TAF1B: variants seen among roughly 807,000 people sequenced by gnomAD.
The protein encoded by TAF1B is TATA-box binding protein associated factor, RNA polymerase I subunit B.
A neutral mutation model predicts 83.9 loss-of-function variants in TAF1B; 61 were observed. That is an observed-to-expected ratio of 0.73 (90% CI 0.59 to 0.90). TAF1B has a LOEUF of 0.90. Ranked by LOEUF, TAF1B falls within the 40% of genes least tolerant of loss-of-function variation. The pLI, the probability that TAF1B is intolerant of heterozygous loss-of-function variation, is 0.00. For synonymous variants in TAF1B, 221 were observed against 224.6 expected, an observed-to-expected ratio of 0.98 and a Z score of 0.14; for missense variants, 625 against 677.0, an observed-to-expected ratio of 0.92 and a Z score of 0.85.
intron 2 of TAF1B, among the ~76,000 whole-genome samples, chr2:9,848,296 T>A (rs2125133701): frequency 6.6e-6 from 1 of 152,344 alleles, no homozygotes; most frequent in South Asian, 2.1e-4. Flanking sequence ...ATAAATTTCA[T>A]TCCAAATCTC....
chr2:9,893,086 G>A (rs368706245), intron 8 of TAF1B, among the ~76,000 whole-genome samples: 4 of 152,012 alleles, frequency 2.6e-5, no homozygotes, highest in African/African-American at 7.3e-5. Context: ...ATCTTGGAGA[G>A]CACTTAAAAA....
At position 9,868,423 on chromosome 2, in the gene TAF1B, C is replaced by A; in HGVS notation, c.547C>A (p.Gln183Lys). 10 of 1,610,240 alleles carry A rather than the reference C, an allele frequency of 6.2e-6. No individual in the cohort carries two copies. The highest frequency in any genetic ancestry group is 8.5e-6 in the Non-Finnish European group (10 of 1,178,146). Residue 183 changes from glutamine to lysine, a missense_variant, in exon 6 of 15, where the codon CAA (glutamine) becomes AAA (lysine). Coordinates refer to ENST00000263663, the MANE Select transcript of TAF1B (RefSeq NM_005680.3). ...RKPFPVSKAS[Q>K]SETSVCSGSL... ...ACCTTTCCCCGTCAGCAAAGCATCACAATCAGGTAAAAATGAGAACCAAAC... is the reference window on the plus strand; with the variant it reads ...ACCTTTCCCCGTCAGCAAAGCATCAAAATCAGGTAAAAATGAGAACCAAAC...
intron 8 of TAF1B, among the ~76,000 whole-genome samples, chr2:9,893,005 AT>A (rs751361075): frequency 1.2e-4 from 18 of 152,240 alleles, no homozygotes; most frequent in Non-Finnish European, 2.1e-4. Flanking sequence ...TTGGTGGAAG[AT>A]ATAAGCATAG....
intron 6 of TAF1B, among the ~76,000 whole-genome samples, chr2:9,869,940 A>T (rs1306685165): frequency 6.6e-6 from 1 of 152,166 alleles, no homozygotes; most frequent in Non-Finnish European, 1.5e-5. Flanking sequence ...TCACGAAGAA[A>T]ATAAAATCAC....
chr2:9,895,108 G>A (rs1558254768), intron 8 of TAF1B, among the ~76,000 whole-genome samples: 1 of 152,134 alleles, frequency 6.6e-6, no homozygotes, highest in African/African-American at 2.4e-5. Flanking sequence ...TTGACAACGC[G>A]TTTCTAAAAA....
chr2:9,928,458 C>G (rs903042936), intron 14 of TAF1B, among the ~76,000 whole-genome samples: 1 of 152,136 alleles, frequency 6.6e-6, no homozygotes, highest in African/African-American at 2.4e-5. Flanking sequence ...GCAGCATGGC[C>G]ATTTTCACGA....
intron 11 of TAF1B, among the ~76,000 whole-genome samples, chr2:9,912,335 A>G (rs1665558066): frequency 6.7e-6 from 1 of 149,460 alleles, no homozygotes; most frequent in Admixed American, 6.7e-5. Flanking sequence ...AGTGTGGTGA[A>G]TATGTGGATT....
rs761123060 is a variant in TAF1B at position 9,913,230 on chromosome 2, TG to T, written c.1255del (p.Glu419LysfsTer24). On this transcript the variant is annotated frameshift_variant, in exon 12 of 15. Transcript: ENST00000263663. LOFTEE classifies it high-confidence loss of function. ...KKAFDEKKQK[W>X]EEARAKYLWK... Reference sequence around the variant, plus strand: ...AGCTTTTGATGAGAAAAAACAAAAATGGGAAGAAGCAAGGGCCAAGTATGTT... The same window carrying T: ...AGCTTTTGATGAGAAAAAACAAAAATGGAAGAAGCAAGGGCCAAGTATGTT... 6.2e-7 allele frequency: 1 copy of T among 1,613,506 alleles called. No individual in the cohort carries two copies. Among genetic ancestry groups the T allele is most frequent in the African/African-American group, 1.3e-5 (1 of 75,028 alleles).
At chr2:9,933,665 C>T in intron 14 of TAF1B, 118 bp from the exon 15 acceptor site, 1 of 791,916 alleles carries the variant, frequency 1.3e-6, no homozygotes, top group East Asian at 2.7e-5. Context: ...GCTCAGGGTC[C>T]TGTTTTAAGC....
chr2:9,931,823 G>T (rs969589262), intron 14 of TAF1B, among the ~76,000 whole-genome samples: 1 of 152,132 alleles, frequency 6.6e-6, no homozygotes, highest in Admixed American at 6.5e-5. Context: ...TGTAGATTTG[G>T]TCTTTTCACA....
intron 14 of TAF1B, among the ~76,000 whole-genome samples, chr2:9,922,187 G>A (rs546024544): frequency 7.2e-5 from 11 of 152,344 alleles, no homozygotes; most frequent in African/African-American, 2.4e-4. Context: ...CTTCTCTACA[G>A]CTGTGCTGAC....
chr2:9,890,144 T>A (rs1042282139), intron 8 of TAF1B, among the ~76,000 whole-genome samples: 1 of 152,214 alleles, frequency 6.6e-6, no homozygotes, highest in Non-Finnish European at 1.5e-5. Context: ...GAGCTCTGTT[T>A]CACTTCCCAC....
intron 3 of TAF1B, among the ~76,000 whole-genome samples, chr2:9,849,759 C>A (rs1369431884): frequency 6.6e-6 from 1 of 152,004 alleles, no homozygotes; most frequent in African/African-American, 2.4e-5. Context: ...TTGAACACAC[C>A]TTTTTAAAAT....
rs200099314 is a variant in TAF1B at position 9,885,753 on chromosome 2, A to C, written c.807+2948A>C. Among the ~76,000 whole-genome samples the C allele has an allele frequency of 7.0e-3, 737 of 105,928 alleles. 4 individuals are homozygous for C. Among genetic ancestry groups the C allele is most frequent in the African/African-American group, 0.023 (611 of 26,626 alleles). 69.5% of individuals were successfully genotyped at this position (105,928 alleles called of 152,430 possible). A position where few individuals can be genotyped will look rare whatever the true frequency, so the allele number is the denominator to read the frequency against. ...CTTCTTTCTCCCCACGCCCCCCCCC[A>C]CTTTGTCCTTCTCTCCCTTAATCTC... On this transcript the variant is annotated intron_variant, in intron 8 of 14. Coordinates refer to ENST00000263663, the MANE Select transcript of TAF1B (RefSeq NM_005680.3).
chr2:9,882,939 C>T (rs373777960), intron 8 of TAF1B, 134 bp downstream of exon 8: 22 of 568,080 alleles, frequency 3.9e-5, no homozygotes, highest in African/African-American at 1.9e-4. Flanking sequence ...CATAATTTAA[C>T]GAAGAGTAGA....
intron 14 of TAF1B, among the ~76,000 whole-genome samples, chr2:9,931,259 GC>G (rs1245874679): frequency 4.6e-5 from 7 of 152,176 alleles, no homozygotes; most frequent in Non-Finnish European, 1.0e-4. Context: ...TTTCTTCCTA[GC>G]CTTGATGGTC....
chr2:9,858,825 G>A (rs114626315), intron 5 of TAF1B, among the ~76,000 whole-genome samples: 6,692 of 152,262 alleles, frequency 0.044, 194 homozygotes, highest in Non-Finnish European at 0.066. Context: ...ATATCCTGAG[G>A]CTGCACAAAG....
intron 5 of TAF1B, among the ~76,000 whole-genome samples, chr2:9,861,468 C>T (rs1663756540): frequency 6.6e-6 from 1 of 152,254 alleles, no homozygotes; most frequent in Admixed American, 6.5e-5. Flanking sequence ...CTGGGTGGAA[C>T]CCACCACAGC....
At chr2:9,906,039 G>A (rs938701058) in intron 9 of TAF1B, among the ~76,000 whole-genome samples, 1 of 104,364 alleles carries the variant, frequency 9.6e-6, no homozygotes, top group Non-Finnish European at 2.7e-5. Flanking sequence ...TTACTATTTT[G>A]GATTTTTTTT....
Sources: gnomAD v4.1 joint callset for allele counts (sites outside exome capture counted in the v4.1 genomes callset) on GRCh38, gnomAD v4.1.1 for gene constraint, MANE v1.5 for transcripts, NCBI Gene and HGNC (gene_info 2026-07-23, HGNC 2026-07-21) for gene names.